BACH2: variants seen among roughly 807,000 people sequenced by gnomAD.
BACH2 encodes transcription regulator protein BACH2.
BACH2 carries 5 observed loss-of-function variants against 61.8 expected under a neutral mutation model. The ratio of observed to expected loss-of-function variants is 0.08; its 90% CI spans 0.04 to 0.17. BACH2 has a LOEUF of 0.17. Ranked by LOEUF, BACH2 falls within the 10% of genes least tolerant of loss-of-function variation. The pLI is 1.00. For missense variants in BACH2, 824 were observed against 1,091.1 expected, an observed-to-expected ratio of 0.76 and a Z score of 3.45; for synonymous variants, 446 against 440.1, an observed-to-expected ratio of 1.01 and a Z score of -0.17.
chr6:90,220,038 G>T (rs1769687249), intron 3 of BACH2, among the ~76,000 whole-genome samples: 1 of 152,008 alleles, frequency 6.6e-6, no homozygotes, highest in South Asian at 2.1e-4. Context: ...GCAGCCGCTT[G>T]TAACAAATTG....
chr6:90,047,088 G>A (rs1421770554), intron 5 of BACH2, among the ~76,000 whole-genome samples: 3 of 152,082 alleles, frequency 2.0e-5, no homozygotes, highest in Admixed American at 2.0e-4. Context: ...CTGCCATTAC[G>A]CAGGCTAATT....
intron 7 of BACH2, among the ~76,000 whole-genome samples, chr6:89,941,373 A>T (rs1441428261): frequency 1.3e-5 from 2 of 152,184 alleles, no homozygotes. Context: ...CCAGCAGGTG[A>T]TCTGATTCAA....
intron 4 of BACH2, among the ~76,000 whole-genome samples, chr6:90,161,091 A>AC (rs1372954759): frequency 1.3e-5 from 2 of 151,786 alleles, no homozygotes; most frequent in Middle Eastern, 3.4e-3. Flanking sequence ...CGTCTCAAAA[A>AC]AAAAAAAAAA....
intron 7 of BACH2, among the ~76,000 whole-genome samples, chr6:89,948,327 C>T (rs1367484775): frequency 6.6e-6 from 1 of 152,116 alleles, no homozygotes; most frequent in African/African-American, 2.4e-5. Context: ...CCACCTCAGT[C>T]CCACAGGTAG....
chr6:90,196,307 A>G (rs2127846284), intron 4 of BACH2, among the ~76,000 whole-genome samples: 1 of 152,356 alleles, frequency 6.6e-6, no homozygotes, highest in Admixed American at 6.5e-5. Context: ...TAAAAAAGGT[A>G]GCAATTTTTC....
chr6:90,092,658 A>T (rs1215493994), intron 4 of BACH2, among the ~76,000 whole-genome samples: 1 of 152,116 alleles, frequency 6.6e-6, no homozygotes. Context: ...CAACTTTGTG[A>T]GGCATAAAGA....
At position 89,932,616 on chromosome 6, in the gene BACH2, C is replaced by T. The variant is rs777216582; in HGVS notation, c.2318G>A (p.Gly773Asp). 6 of 1,613,740 alleles carry T rather than the reference C, an allele frequency of 3.7e-6. No homozygotes were observed. Among genetic ancestry groups the T allele is most frequent in the East Asian group, 4.5e-5 (2 of 44,854 alleles). The part of the protein sequence containing the change: ...GENVPCCLEP[G>D]AAPPGPPWAP... ...CCAGGGGGGTCCGGGGGGAGCCGCG[C>T]CTGGCTCCAAGCAGCAGGGCACGTT... Residue 773 changes from glycine (G) to aspartate (D), a missense_variant, in exon 9 of 9, where the codon GGC becomes GAC. Coordinates refer to ENST00000257749, the MANE Select transcript of BACH2 (RefSeq NM_021813.4).
intron 4 of BACH2, chr6:90,104,267 A>G (rs1782802044): frequency 6.6e-6 from 1 of 152,216 alleles, no homozygotes; most frequent in South Asian, 2.1e-4. Flanking sequence ...TTCAGAGGGA[A>G]CAGGAACAAA....
intron 3 of BACH2, among the ~76,000 whole-genome samples, chr6:90,225,944 T>C (rs143361535): frequency 3.3e-5 from 5 of 152,232 alleles, no homozygotes; most frequent in African/African-American, 1.2e-4. Context: ...AGCGGGGTCC[T>C]AAGGCCACCA....
chr6:90,143,245 T>C (rs899897272), intron 4 of BACH2, among the ~76,000 whole-genome samples: 1 of 152,152 alleles, frequency 6.6e-6, no homozygotes, highest in African/African-American at 2.4e-5. Flanking sequence ...AGCTGGGGAA[T>C]AGGACTGAGA....
intron 4 of BACH2, among the ~76,000 whole-genome samples, chr6:90,132,703 A>G (rs901026768): frequency 1.3e-5 from 2 of 152,126 alleles, no homozygotes; most frequent in African/African-American, 4.8e-5. Flanking sequence ...CAGGGACACC[A>G]CCATTAAGCC....
intron 6 of BACH2, among the ~76,000 whole-genome samples, chr6:89,988,499 A>G (rs1188256719): frequency 6.6e-6 from 1 of 152,186 alleles, no homozygotes. Context: ...GGCAGGAGAA[A>G]ATAGCTCAAA....
rs145472587 is a variant in BACH2, at chr6:89,926,691, C to CT, written c.*5716dup. 24,857 of 152,568 alleles carry CT rather than the reference C, an allele frequency of 0.16. 2,745 individuals carry two copies. Among genetic ancestry groups the CT allele is most frequent in the African/African-American group, 0.31 (12,830 of 41,466 alleles). The allele number at this position is 152,568 out of a possible 1,614,324, so 9.5% of individuals were successfully genotyped here. ...TTCAATTCATTAGTTCATAGCAATG[C>CT]TTTTTTCCCCCAAAAGGTAAAAATT... On this transcript the variant is annotated 3_prime_UTR_variant, in exon 9 of 9. Coordinates refer to ENST00000257749, the MANE Select transcript of BACH2 (RefSeq NM_021813.4).
At chr6:90,247,984 C>T (rs2127868654) in intron 3 of BACH2, among the ~76,000 whole-genome samples, 1 of 152,338 alleles carries the variant, frequency 6.6e-6, no homozygotes, top group Admixed American at 6.5e-5. Context: ...ATTCAAGTGT[C>T]TTCTAGCTTA....
intron 4 of BACH2, among the ~76,000 whole-genome samples, chr6:90,172,371 A>G (rs988854309): frequency 3.3e-5 from 5 of 151,934 alleles, no homozygotes; most frequent in African/African-American, 1.2e-4. Flanking sequence ...AAATATTTAG[A>G]GATGTAAAGG....
chr6:89,937,269 C>T (rs1487437283), intron 8 of BACH2, among the ~76,000 whole-genome samples: 1 of 152,104 alleles, frequency 6.6e-6, no homozygotes, highest in Admixed American at 6.5e-5. Flanking sequence ...GGTAGGCGTC[C>T]TATCTCTATT....
In BACH2 at chr6:90,105,672, G is replaced by A. The variant is rs1277214314; in HGVS notation, c.-161-16563C>T. On this transcript the variant is annotated intron_variant, in intron 4 of 8. Transcript: ENST00000257749. ...CACCCACTTTCAGGAGTTTCCCAAA[G>A]TAATTTAAAACTATTTGATGTTGCT... is the stretch of plus-strand genomic sequence containing the variant. Among the ~76,000 whole-genome samples the A allele has an allele frequency of 3.3e-5, 5 of 152,282 alleles. 1 individual carries two copies. In the East Asian group the frequency reaches 9.6e-4, roughly 29 times the overall value.
intron 1 of BACH2, among the ~76,000 whole-genome samples, chr6:90,272,537 G>A (rs1771558867): frequency 6.6e-6 from 1 of 152,058 alleles, no homozygotes; most frequent in Non-Finnish European, 1.5e-5. Flanking sequence ...TACTGCATAT[G>A]CTCTTCAAAA....
At chr6:90,045,636 G>C (rs1025077342) in intron 5 of BACH2, among the ~76,000 whole-genome samples, 2 of 152,128 alleles carry the variant, frequency 1.3e-5, no homozygotes, top group African/African-American at 4.8e-5. Flanking sequence ...TCAAAACCAA[G>C]TCAGTGGGTT....
Sources: allele counts gnomAD v4.1 joint callset (sites outside exome capture counted in the v4.1 genomes callset), GRCh38; gene constraint gnomAD v4.1.1; transcripts MANE v1.5; gene names NCBI Gene and HGNC (gene_info 2026-07-23, HGNC 2026-07-21).